Variants in PDXDC1 observed in about 807,000 individuals in gnomAD.
PDXDC1 encodes the protein pyridoxal dependent decarboxylase domain containing 1, also known as pyridoxal-dependent decarboxylase domain-containing protein 1.
PDXDC1 carries 42 observed loss-of-function variants against 100.1 expected under a neutral mutation model. The observed-to-expected ratio is 0.42, with a 90% CI of 0.33 to 0.54. PDXDC1 has a LOEUF of 0.54. Ranked by LOEUF, PDXDC1 falls within the 20% of genes least tolerant of loss-of-function variation. PDXDC1 has a pLI of 0.10. For missense variants in PDXDC1, 636 were observed against 979.2 expected (o/e 0.65, Z 4.68); for synonymous variants, 260 against 371.7 (o/e 0.70, Z 3.46).
chr16:15,060,917 G>A (rs1276623358), intron 16 of PDXDC1: 1 of 152,234 alleles, frequency 6.6e-6, no homozygotes, highest in Non-Finnish European at 1.5e-5. Flanking sequence ...CTAGATCTAA[G>A]GGGACACTTG....
chr16:14,993,531 C>T (rs1186690217), intron 1 of PDXDC1, among the ~76,000 whole-genome samples: 3 of 152,290 alleles, frequency 2.0e-5, no homozygotes, highest in Non-Finnish European at 4.4e-5. Flanking sequence ...TTTTCTTAAT[C>T]CAGTCTATCA....
At chr16:14,977,360 AC>A (rs1966936753) in intron 1 of PDXDC1, among the ~76,000 whole-genome samples, 1 of 140,016 alleles carries the variant, frequency 7.1e-6, no homozygotes, top group Admixed American at 8.4e-5. Flanking sequence ...GATCCCTGCA[AC>A]CTCCGCCTCC....
chr16:15,088,991 C>A (rs987404293), intron 16 of PDXDC1, among the ~76,000 whole-genome samples: 3 of 152,012 alleles, frequency 2.0e-5, no homozygotes, highest in Non-Finnish European at 4.4e-5. Flanking sequence ...TGGGTAAATG[C>A]ATCTAACAGA....
At chr16:15,016,818 G>T (rs1320096159) in intron 9 of PDXDC1, among the ~76,000 whole-genome samples, 1 of 152,286 alleles carries the variant, frequency 6.6e-6, no homozygotes, top group Non-Finnish European at 1.5e-5. Flanking sequence ...ATACAGGGAG[G>T]TTTCTTTTTG....
chr16:15,130,512 G>C (rs2047994976), intron 16 of PDXDC1: 8 of 1,342,232 alleles, frequency 6.0e-6, no homozygotes. Flanking sequence ...GGATATCGGA[G>C]TCCCAGAGCC....
intron 13 of PDXDC1, 125 bp from the exon 14 acceptor site, chr16:15,026,518 T>C (rs1382587783): frequency 1.2e-6 from 1 of 830,220 alleles, no homozygotes; most frequent in Non-Finnish European, 1.9e-6. Flanking sequence ...AATTAACCTC[T>C]GAACTTTTTA....
At chr16:15,142,658 T>G (rs1316754580), downstream of PDXDC1, among the ~76,000 whole-genome samples, 4 of 152,146 alleles carry the variant, frequency 2.6e-5, no homozygotes, top group Non-Finnish European at 5.9e-5. Context: ...CTTGCTCCCG[T>G]ACTTTTCCAC....
At chr16:15,049,724 C>T (rs2151721921) in intron 16 of PDXDC1, among the ~76,000 whole-genome samples, 1 of 152,234 alleles carries the variant, frequency 6.6e-6, no homozygotes, top group African/African-American at 2.4e-5. Context: ...CATGCCCAGC[C>T]CCCTGTGTAA....
intron 16 of PDXDC1, among the ~76,000 whole-genome samples, chr16:15,099,768 A>C (rs1272900987): frequency 6.6e-6 from 1 of 152,224 alleles, no homozygotes; most frequent in Non-Finnish European, 1.5e-5. Flanking sequence ...GTAATACAAC[A>C]ATGTAATCAG....
intron 16 of PDXDC1, among the ~76,000 whole-genome samples, chr16:15,067,286 C>G (rs1474328915): frequency 6.7e-6 from 1 of 149,964 alleles, no homozygotes; most frequent in Non-Finnish European, 1.5e-5. Flanking sequence ...TTCGCTTTCT[C>G]CATAAAGCAG....
intron 16 of PDXDC1, chr16:15,104,514 T>A (rs2046707426): frequency 7.0e-7 from 1 of 1,438,020 alleles, no homozygotes; most frequent in African/African-American, 1.8e-5. Flanking sequence ...AGGGTGGAGC[T>A]GAGGGTGGAA....
intron 11 of PDXDC1, among the ~76,000 whole-genome samples, chr16:15,018,109 C>T (rs1319676479): frequency 1.2e-4 from 17 of 144,674 alleles, no homozygotes; most frequent in African/African-American, 2.8e-4. Flanking sequence ...TTTTTTTAAT[C>T]GTAGTTGTGG....
At chr16:15,002,138 GCTT>G (rs1274569258) in intron 4 of PDXDC1, among the ~76,000 whole-genome samples, 1 of 152,286 alleles carries the variant, frequency 6.6e-6, no homozygotes, top group Non-Finnish European at 1.5e-5. Flanking sequence ...CTGCTGCTGT[GCTT>G]CTGCTTCCTA....
chr16:14,995,078 A>G (rs1371490905), intron 1 of PDXDC1, among the ~76,000 whole-genome samples: 1 of 152,302 alleles, frequency 6.6e-6, no homozygotes, highest in Non-Finnish European at 1.5e-5. Context: ...CAATCATGTC[A>G]TCTGCAAACA....
intron 16 of PDXDC1, among the ~76,000 whole-genome samples, chr16:15,050,891 CTAAAGAT>C (rs544682533): frequency 2.7e-3 from 404 of 152,268 alleles, no homozygotes; most frequent in Non-Finnish European, 4.2e-3. Flanking sequence ...AAGAAACAAA[CTAAAGAT>C]TAAATGAACT....
intron 8 of PDXDC1, among the ~76,000 whole-genome samples, chr16:15,014,325 A>G (rs1460025662): frequency 6.6e-6 from 1 of 152,290 alleles, no homozygotes; most frequent in South Asian, 2.1e-4. Flanking sequence ...ATATTCAATC[A>G]CATGATAAAC....
At chr16:15,099,363 T>C (rs1462524904) in intron 16 of PDXDC1, among the ~76,000 whole-genome samples, 1 of 128,834 alleles carries the variant, frequency 7.8e-6, no homozygotes, top group East Asian at 2.2e-4. Flanking sequence ...GAGGTTGCAG[T>C]GAGCCAAGAT....
intron 5 of PDXDC1, among the ~76,000 whole-genome samples, chr16:15,005,800 A>G (rs1974132083): frequency 6.6e-6 from 1 of 152,390 alleles, no homozygotes; most frequent in South Asian, 2.1e-4. Context: ...CCTGGGTTCA[A>G]GCGATTCTCC....
At chr16:15,068,998 A>T (rs975105188) in intron 16 of PDXDC1, among the ~76,000 whole-genome samples, 2 of 152,242 alleles carry the variant, frequency 1.3e-5, no homozygotes, top group African/African-American at 2.4e-5. Context: ...TCCTGGCATT[A>T]ATTTATACAA....
Sources: gnomAD v4.1 joint callset for allele counts (sites outside exome capture counted in the v4.1 genomes callset) on GRCh38, gnomAD v4.1.1 for gene constraint, MANE v1.5 for transcripts, NCBI Gene and HGNC (gene_info 2026-07-23, HGNC 2026-07-21) for gene names.